Variants in RFC3 observed in about 807,000 individuals in gnomAD.
RFC3 encodes replication factor C subunit 3, also known as A1 38 kDa subunit.
In RFC3, 41 loss-of-function variants were observed where a neutral mutation model predicts 45.1. That is an observed-to-expected ratio of 0.91 (90% confidence interval 0.71 to 1.18). The LOEUF (loss-of-function observed/expected upper bound fraction) is 1.18. Ranked by LOEUF, RFC3 falls within the 50% of genes most tolerant of loss-of-function variation. RFC3 has a pLI of 0.00. For synonymous variants in RFC3, 149 were observed against 144.0 expected (o/e 1.03, Z -0.25); for missense variants, 423 against 428.1 (o/e 0.99, Z 0.10).
At chr13:33,974,143 C>G in the RFC3 span, among the ~76,000 whole-genome samples, 11 of 152,178 alleles carry the variant, frequency 7.2e-5, no homozygotes, top group African/African-American at 2.7e-4. Flanking sequence ...TGAATTTGCA[C>G]TCGTGGCTGC....
chr13:33,923,514 A>G (rs2082782937), intron 8 of RFC3, among the ~76,000 whole-genome samples: 1 of 152,126 alleles, frequency 6.6e-6, no homozygotes, highest in Admixed American at 6.6e-5. Context: ...CCTGGTTCCC[A>G]GGGGTCTTCA....
At chr13:33,820,939 G>T (rs1566375276) in intron 1 of RFC3, among the ~76,000 whole-genome samples, 193 bp from the exon 2 acceptor site, 1 of 147,850 alleles carries the variant, frequency 6.8e-6, no homozygotes, top group Non-Finnish European at 1.5e-5. Flanking sequence ...ATATATAAAA[G>T]ATACACAATA....
At chr13:33,934,006 G>A (rs150094474) in intron 8 of RFC3, among the ~76,000 whole-genome samples, 2 of 151,318 alleles carry the variant, frequency 1.3e-5, no homozygotes, top group South Asian at 2.1e-4. Flanking sequence ...AAGGTGGTGG[G>A]GAAAAAAAGG....
At chr13:33,967,315 G>A (rs141643007), downstream of RFC3, among the ~76,000 whole-genome samples, 200 of 152,018 alleles carry the variant, frequency 1.3e-3, 1 homozygote, top group Non-Finnish European at 2.4e-3. Flanking sequence ...TGTATTCTGC[G>A]GAGTGCCAGT....
At chr13:33,920,150 A>T (rs1396367485) in intron 8 of RFC3, among the ~76,000 whole-genome samples, 1 of 152,158 alleles carries the variant, frequency 6.6e-6, no homozygotes. Flanking sequence ...CAGAACCTCA[A>T]TAAATTTTTA....
chr13:33,838,925 G>T (rs549193530), downstream of RFC3, among the ~76,000 whole-genome samples: 1 of 152,130 alleles, frequency 6.6e-6, no homozygotes, highest in South Asian at 2.1e-4. Context: ...TTGCTTAGAT[G>T]TCAGCTGTGT....
intron 8 of RFC3, among the ~76,000 whole-genome samples, chr13:33,861,802 A>G (rs2082342817): frequency 6.6e-6 from 1 of 152,212 alleles, no homozygotes; most frequent in Admixed American, 6.5e-5. Flanking sequence ...ACAATTTTGT[A>G]CCGACACTGT....
At chr13:33,940,992 A>T (rs1166006108) in intron 8 of RFC3, among the ~76,000 whole-genome samples, 1 of 152,248 alleles carries the variant, frequency 6.6e-6, no homozygotes, top group African/African-American at 2.4e-5. Context: ...CTCCGACCCA[A>T]CCCACAAGTG....
At chr13:33,818,406 A>ACACACAC (rs2139365881) in intron 1 of RFC3, 141 bp downstream of exon 1, 1 of 641,296 alleles carries the variant, frequency 1.6e-6, no homozygotes, top group East Asian at 2.8e-5. Flanking sequence ...GGGAAGGGGG[A>ACACACAC]AGAGGTGTGG....
intron 8 of RFC3, among the ~76,000 whole-genome samples, chr13:33,945,698 A>T (rs1232874832): frequency 6.6e-6 from 1 of 152,222 alleles, no homozygotes; most frequent in Non-Finnish European, 1.5e-5. Flanking sequence ...TTAGGGATAT[A>T]CGCTGCCTGA....
chr13:33,837,036 C>A lies in RFC3; in HGVS notation c.*741C>A, dbSNP rs2082161484. 2.0e-6 allele frequency: 2 copies of A among 984,524 alleles called. No homozygotes were observed. The highest frequency in any genetic ancestry group is 2.4e-6 in the Non-Finnish European group (2 of 829,262). 61.0% of individuals were successfully genotyped at this position (984,524 alleles called of 1,614,324 possible). A position where few individuals can be genotyped will look rare whatever the true frequency, so the allele number is the denominator to read the frequency against. Reference sequence around the variant, plus strand: ...TAATTAAATATTTTGGTTCATGGACCAAAGGGTTTACTTGACAAATTTGTG... The same window carrying A: ...TAATTAAATATTTTGGTTCATGGACAAAAGGGTTTACTTGACAAATTTGTG... On this transcript the variant is annotated 3_prime_UTR_variant, in exon 9 of 9. Transcript: ENST00000380071.
chr13:33,913,993 T>C (rs2082718240), intron 8 of RFC3, among the ~76,000 whole-genome samples: 1 of 145,246 alleles, frequency 6.9e-6, no homozygotes, highest in African/African-American at 2.9e-5. Context: ...GATATGCTCA[T>C]GTAATTACTG....
chr13:33,852,125 A>G (rs1225876983), intron 8 of RFC3, among the ~76,000 whole-genome samples: 1 of 152,242 alleles, frequency 6.6e-6, no homozygotes, highest in East Asian at 1.9e-4. Flanking sequence ...AGCAGTAAGC[A>G]AAGATTTTAA....
intron 8 of RFC3, among the ~76,000 whole-genome samples, chr13:33,948,669 C>T (rs1214906944): frequency 6.6e-6 from 1 of 152,214 alleles, no homozygotes; most frequent in Non-Finnish European, 1.5e-5. Context: ...TGGAGCTGCC[C>T]AAGGCCATGG....
At chr13:33,863,868 C>G (rs1409588096) in intron 8 of RFC3, among the ~76,000 whole-genome samples, 1 of 152,226 alleles carries the variant, frequency 6.6e-6, no homozygotes, top group Non-Finnish European at 1.5e-5. Flanking sequence ...CCAAACATCT[C>G]TCCCGAGGTT....
chr13:33,967,648 C>A (rs1481313046), downstream of RFC3, among the ~76,000 whole-genome samples: 1 of 151,642 alleles, frequency 6.6e-6, no homozygotes. Flanking sequence ...CCACCACGCC[C>A]AGCTAATTTT....
intron 6 of RFC3, 82 bp downstream of exon 6, chr13:33,830,937 T>G: frequency 4.1e-6 from 5 of 1,227,272 alleles, no homozygotes; most frequent in Non-Finnish European, 5.7e-6. Flanking sequence ...GGAAGACAAT[T>G]TTTCCATGGA....
intron 8 of RFC3, among the ~76,000 whole-genome samples, chr13:33,899,202 G>GACAAAAA: frequency 1.5e-4 from 1 of 6,664 alleles, no homozygotes. Flanking sequence ...GACACAATAA[G>GACAAAAA]ACAAAAAAAA....
intron 8 of RFC3, among the ~76,000 whole-genome samples, chr13:33,858,710 T>A (rs868367689): frequency 6.6e-6 from 1 of 152,228 alleles, no homozygotes; most frequent in East Asian, 1.9e-4. Flanking sequence ...TAATTTTTTT[T>A]ATCGAGAAAA....
Sources: allele counts gnomAD v4.1 joint callset (sites outside exome capture counted in the v4.1 genomes callset), GRCh38; gene constraint gnomAD v4.1.1; transcripts MANE v1.5; gene names NCBI Gene and HGNC (gene_info 2026-07-23, HGNC 2026-07-21).